CTTNBP2: variants seen among roughly 807,000 people sequenced by gnomAD.
CTTNBP2 encodes cortactin-binding protein 2.
A neutral mutation model predicts 156.9 loss-of-function variants in CTTNBP2; 108 were observed. The ratio of observed to expected loss-of-function variants is 0.69; its 90% CI spans 0.59 to 0.81. The LOEUF (loss-of-function observed/expected upper bound fraction) is 0.81, where lower values mean the gene tolerates loss of function less well. CTTNBP2 is among the 30% of genes least tolerant of loss of function. The pLI is 0.00. For synonymous variants in CTTNBP2, 767 were observed against 751.8 expected (o/e 1.02, Z -0.33); for missense variants, 1,924 against 2,035.4 (o/e 0.95, Z 1.05).
chr7:117,762,456 C>CAGA (rs1797263254), intron 9 of CTTNBP2, among the ~76,000 whole-genome samples: 4 of 152,282 alleles, frequency 2.6e-5, no homozygotes, highest in Non-Finnish European at 5.9e-5. Context: ...AATTATACTC[C>CAGA]CTCACACTTC....
chr7:117,718,418 G>A (rs1368009023), intron 21 of CTTNBP2, among the ~76,000 whole-genome samples: 2 of 152,162 alleles, frequency 1.3e-5, no homozygotes, highest in African/African-American at 4.8e-5. Flanking sequence ...TATAAAATTT[G>A]CAAGATTTTA....
intron 22 of CTTNBP2, chr7:117,716,066 AAAGGGAGAGAAG>A (rs1181017826): frequency 6.6e-6 from 1 of 152,194 alleles, no homozygotes; most frequent in Non-Finnish European, 1.5e-5. Context: ...TTCAGTGGGC[AAAGGGAGAGAAG>A]ACTAGGAGGC....
At chr7:117,768,119 A>G (rs1169080746) in intron 8 of CTTNBP2, among the ~76,000 whole-genome samples, 1 of 150,506 alleles carries the variant, frequency 6.6e-6, no homozygotes, top group Admixed American at 6.6e-5. Flanking sequence ...ACACACACCC[A>G]CTTGGAGGCA....
intron 12 of CTTNBP2, among the ~76,000 whole-genome samples, chr7:117,750,021 T>G (rs1796540854): frequency 6.6e-6 from 1 of 152,198 alleles, no homozygotes; most frequent in Non-Finnish European, 1.5e-5. Context: ...GGGTAGAATT[T>G]TTTTTCACAA....
rs766422078 is a variant in CTTNBP2, at chr7:117,791,924, A to C, written c.1272T>G (p.Pro424=). 3 of 1,614,036 alleles carry C rather than the reference A, an allele frequency of 1.9e-6. No homozygotes were observed. Among genetic ancestry groups the C allele is most frequent in the Non-Finnish European group, 1.7e-6 (2 of 1,180,052 alleles). The change falls in exon 4 of 23, where the codon CCT becomes CCG. Residue 424 remains proline, a synonymous_variant. Coordinates refer to ENST00000160373, the MANE Select transcript of CTTNBP2 (RefSeq NM_033427.3). ...CACATGGTGAATGTAAACTGTGCATAGGTGGAGCTTGCGAGTTCTGAGGAG... is the reference window on the plus strand; with the variant it reads ...CACATGGTGAATGTAAACTGTGCATCGGTGGAGCTTGCGAGTTCTGAGGAG... The part of the protein sequence containing the change: ...GIAPQNSQAP[P]MHSLHSPCAN...
At chr7:117,739,361 T>C (rs941867849) in intron 14 of CTTNBP2, among the ~76,000 whole-genome samples, 1 of 152,210 alleles carries the variant, frequency 6.6e-6, no homozygotes, top group Non-Finnish European at 1.5e-5. Context: ...CTTTTTACCT[T>C]CGGCCAAAAA....
chr7:117,792,695 G>T lies in CTTNBP2; in HGVS notation c.501C>A (p.Asn167Lys). ...AARLEEERGK[N>K]KQVVLMLVKE... ...TGACCAGCATCAGGACCACCTGCTT[G>T]TTCTTGCCACGCTCTTCCTCAAGGC... Residue 167 changes from asparagine to lysine, a missense_variant, in exon 4 of 23, where the codon AAC (asparagine) becomes AAA (lysine). By Grantham distance (94) the Asn-to-Lys change is moderately conservative (BLOSUM62 0). Transcript: ENST00000160373. The surrounding 1 kb of genome is among the most constrained non-coding windows in gnomAD (Gnocchi z 4.2). 1.2e-6 allele frequency: 2 copies of T among 1,613,422 alleles called. No individual in the cohort carries two copies. The highest frequency in any genetic ancestry group is 8.5e-7 in the Non-Finnish European group (1 of 1,179,732).
In CTTNBP2 at chr7:117,767,087, A is replaced by G. The variant is rs746903043; in HGVS notation, c.2868T>C (p.Asp956=). 1.3e-5 allele frequency: 21 copies of G among 1,604,982 alleles called. No homozygotes were observed. Among genetic ancestry groups the G allele is most frequent in the Non-Finnish European group, 1.6e-5 (19 of 1,171,720 alleles). ...GATTCTCCAGCAAATGCTTGCAGTC[A>G]TCAGTGGCAACATCATGCACAGTCC... ...CNRTVHDVAT[D]DCKHLLENLN... The change falls in exon 9 of 23, where the codon GAT becomes GAC. Residue 956 remains aspartate (D), a synonymous_variant. Coordinates refer to ENST00000160373, the MANE Select transcript of CTTNBP2 (RefSeq NM_033427.3).
chr7:117,754,976 A>G (rs1796807636), intron 12 of CTTNBP2, among the ~76,000 whole-genome samples: 1 of 152,236 alleles, frequency 6.6e-6, no homozygotes. Flanking sequence ...TGTACGGAGA[A>G]GCTGACAAGG....
chr7:117,779,262 C>G (rs960074165), intron 7 of CTTNBP2, among the ~76,000 whole-genome samples: 12 of 152,240 alleles, frequency 7.9e-5, no homozygotes, highest in Admixed American at 7.2e-4. Flanking sequence ...TGACCTTTCC[C>G]AATTTATATT....
chr7:117,744,284 AT>A (rs147374621), intron 14 of CTTNBP2, among the ~76,000 whole-genome samples: 7,302 of 151,928 alleles, frequency 0.048, 559 homozygotes, highest in African/African-American at 0.17. Context: ...CATTCTTTCT[AT>A]TTTTTCAGAA....
intron 1 of CTTNBP2, 79 bp downstream of exon 1, chr7:117,873,256 T>G (rs1032453198): frequency 3.0e-5 from 34 of 1,119,510 alleles, no homozygotes; most frequent in Non-Finnish European, 3.8e-5. Context: ...GGGTGCGAAG[T>G]CGGGTCCGGC....
chr7:117,775,215 G>C (rs1018963659), intron 8 of CTTNBP2, among the ~76,000 whole-genome samples: 2 of 152,142 alleles, frequency 1.3e-5, no homozygotes, highest in African/African-American at 4.8e-5. Context: ...GCCTAGCAGT[G>C]TGTGAATATT....
rs1215387342 is a variant in CTTNBP2 at position 117,762,406 on chromosome 7, G to GTCAGACTGAACACCTTGAATTA, written c.2897-1718_2897-1697dup. ...ACTGGCAACTCCATCGTGCCAGTTGGTCAGACTGAACACCTTGAATTATCA... is the reference window on the plus strand; with the variant it reads ...ACTGGCAACTCCATCGTGCCAGTTGGTCAGACTGAACACCTTGAATTATCAGACTGAACACCTTGAATTATCA... On this transcript the variant is annotated intron_variant, in intron 9 of 22. Transcript: ENST00000160373. Among the ~76,000 whole-genome samples the GTCAGACTGAACACCTTGAATTA allele has an allele frequency of 2.0e-5, 3 of 152,262 alleles. No individual in the cohort carries two copies. In the South Asian group the frequency reaches 6.2e-4, roughly 32 times the overall value.
At chr7:117,815,328 G>C (rs1548952) in intron 2 of CTTNBP2, among the ~76,000 whole-genome samples, 85,775 of 151,606 alleles carry the variant, frequency 0.57, 24,357 homozygotes, top group East Asian at 0.71. Context: ...TATGAATGCA[G>C]TGCACTCACA....
chr7:117,712,031 G>T (rs567523700), intron 22 of CTTNBP2, among the ~76,000 whole-genome samples: 1 of 152,168 alleles, frequency 6.6e-6, no homozygotes, highest in African/African-American at 2.4e-5. Context: ...AAGTGCTAAG[G>T]CGTCGATCTC....
intron 11 of CTTNBP2, among the ~76,000 whole-genome samples, chr7:117,757,379 G>T (rs1464318836): frequency 1.3e-5 from 2 of 152,098 alleles, no homozygotes; most frequent in African/African-American, 4.8e-5. Context: ...ATAGGGATAA[G>T]CAGAAATGCA....
At chr7:117,854,763 G>A (rs1803163030) in intron 2 of CTTNBP2, among the ~76,000 whole-genome samples, 1 of 151,886 alleles carries the variant, frequency 6.6e-6, no homozygotes, top group Non-Finnish European at 1.5e-5. Context: ...AGCAAAAATA[G>A]ATGATTTAAT....
intron 12 of CTTNBP2, among the ~76,000 whole-genome samples, chr7:117,751,214 A>G (rs1184817998): frequency 6.6e-6 from 1 of 152,222 alleles, no homozygotes; most frequent in African/African-American, 2.4e-5. Flanking sequence ...GATTTCCACT[A>G]CTGTTGATGT....
Sources: allele counts gnomAD v4.1 joint callset (sites outside exome capture counted in the v4.1 genomes callset), GRCh38; gene constraint gnomAD v4.1.1; non-coding constraint Gnocchi (gnomAD v3.1); transcripts MANE v1.5; gene names NCBI Gene and HGNC (gene_info 2026-07-23, HGNC 2026-07-21).